Variants in CNTN5 observed in about 807,000 individuals in gnomAD.
The protein encoded by CNTN5 is contactin-5.
CNTN5 carries 77 observed loss-of-function variants against 129.1 expected under a neutral mutation model. That is an observed-to-expected ratio of 0.60 (90% CI 0.50 to 0.72). CNTN5 has a LOEUF of 0.72. Among genes scored for constraint, CNTN5 ranks in the 30% least tolerant of loss-of-function variants. The pLI, the probability that CNTN5 is intolerant of heterozygous loss-of-function variation, is 0.00. For missense variants in CNTN5, 1,478 were observed against 1,328.8 expected (o/e 1.11, Z -1.75); for synonymous variants, 509 against 465.6 (o/e 1.09, Z -1.20).
intron 1 of CNTN5, among the ~76,000 whole-genome samples, chr11:99,036,026 A>T (rs890253720): frequency 2.6e-5 from 4 of 151,874 alleles, no homozygotes; most frequent in African/African-American, 9.7e-5. Flanking sequence ...TCCTTCACTT[A>T]TGAAGCTTAG....
At chr11:99,914,364 G>GA (rs537855447) in intron 6 of CNTN5, among the ~76,000 whole-genome samples, 80 of 151,126 alleles carry the variant, frequency 5.3e-4, no homozygotes, top group Middle Eastern at 3.4e-3. Flanking sequence ...TCATTTTTTG[G>GA]AAAAAAAAGC....
At chr11:99,454,913 A>G (rs780658508) in intron 2 of CNTN5, among the ~76,000 whole-genome samples, 271 of 152,266 alleles carry the variant, frequency 1.8e-3, no homozygotes, top group Non-Finnish European at 2.8e-3. Flanking sequence ...CAAACAGAAA[A>G]TAGTTGACAC....
In CNTN5 at chr11:99,131,518, GAAGAA is replaced by G. The variant is rs1297876195; in HGVS notation, c.-210+110253_-210+110257del. 7.9e-5 allele frequency among the ~76,000 whole-genome samples: 12 copies of G among 151,938 alleles called. No homozygotes were observed. The East Asian group carries it at 2.3e-3, about 29-fold the overall frequency. On this transcript the variant is annotated intron_variant, in intron 1 of 24. Transcript: ENST00000524871. The stretch of plus-strand genomic sequence containing the variant: ...ATAGACCACAAGTGAGAGTAATAAA[GAAGAA>G]AAGAGAGAAGATTCAAATATACGAT...
intron 7 of CNTN5, among the ~76,000 whole-genome samples, chr11:99,934,898 GTATATATA>G (rs200635742): frequency 1.5e-3 from 104 of 67,896 alleles, no homozygotes; most frequent in African/African-American, 6.3e-3. Context: ...GTGTGTGTGT[GTATATATA>G]TATATATATA....
intron 13 of CNTN5, among the ~76,000 whole-genome samples, chr11:100,093,084 T>C (rs11222729): frequency 0.29 from 44,092 of 151,898 alleles, 8,084 homozygotes; most frequent in African/African-American, 0.52. Flanking sequence ...TGACCAACTT[T>C]GAGTATTGTC....
chr11:99,318,919 T>C (rs1332473151), intron 1 of CNTN5, among the ~76,000 whole-genome samples: 2 of 152,230 alleles, frequency 1.3e-5, no homozygotes, highest in East Asian at 3.9e-4. Flanking sequence ...TATGAAGGTT[T>C]GGTATTAATT....
At chr11:99,816,469 C>T (rs1334611494) in intron 3 of CNTN5, among the ~76,000 whole-genome samples, 1 of 152,156 alleles carries the variant, frequency 6.6e-6, no homozygotes, top group Non-Finnish European at 1.5e-5. Context: ...TGAGCCTTTA[C>T]CTCAAGCTCT....
chr11:99,767,727 T>C (rs763504416), intron 3 of CNTN5, among the ~76,000 whole-genome samples: 3 of 151,920 alleles, frequency 2.0e-5, no homozygotes, highest in Admixed American at 1.3e-4. Context: ...CTAAGTACTC[T>C]CTAACCTTCT....
intron 3 of CNTN5, among the ~76,000 whole-genome samples, chr11:99,678,898 GTA>G (rs992526829): frequency 2.0e-5 from 3 of 150,402 alleles, no homozygotes; most frequent in Non-Finnish European, 4.4e-5. Flanking sequence ...ACCTTTTTTT[GTA>G]TTCCATTCCA....
intron 13 of CNTN5, among the ~76,000 whole-genome samples, chr11:100,090,791 T>C (rs1161871171): frequency 2.0e-5 from 3 of 151,788 alleles, no homozygotes; most frequent in East Asian, 2.0e-4. Context: ...TAATCCTTAA[T>C]CAATTTTTAC....
At chr11:100,010,568 C>T (rs2137519725) in intron 9 of CNTN5, among the ~76,000 whole-genome samples, 1 of 152,234 alleles carries the variant, frequency 6.6e-6, no homozygotes, top group Non-Finnish European at 1.5e-5. Context: ...GGTGTTCCTT[C>T]TGGCTTCTTC....
chr11:99,284,585 AC>A (rs1387763308), intron 1 of CNTN5, among the ~76,000 whole-genome samples: 1 of 144,496 alleles, frequency 6.9e-6, no homozygotes, highest in African/African-American at 2.6e-5. Context: ...AGAACTGTTT[AC>A]CCCAGAGATG....
chr11:99,491,638 C>T (rs1049050191), intron 2 of CNTN5, among the ~76,000 whole-genome samples: 1 of 152,114 alleles, frequency 6.6e-6, no homozygotes, highest in African/African-American at 2.4e-5. Flanking sequence ...AGAAGCATAG[C>T]ATTTCAATTC....
In CNTN5 at chr11:100,212,743, T is replaced by G. The variant is rs55913726; in HGVS notation, c.1885-11949T>G. ...GTTTGGTGATTTTTTTCATTTATAT[T>G]CAAAAAGTAAAATCTCAGCAACTCT... On this transcript the variant is annotated intron_variant, in intron 15 of 24. Coordinates refer to ENST00000524871, the MANE Select transcript of CNTN5 (RefSeq NM_014361.4). 4.1e-3 allele frequency among the ~76,000 whole-genome samples: 631 copies of G among 152,176 alleles called. 9 individuals are homozygous for G. The highest frequency in any genetic ancestry group is 0.015 in the African/African-American group (605 of 41,540).
In CNTN5 at chr11:99,291,430, GTGTCTTATAGGAGT is replaced by G. The variant is rs1205826979; in HGVS notation, c.-209-33909_-209-33896del. Among the ~76,000 whole-genome samples the G allele has an allele frequency of 6.6e-5, 10 of 151,910 alleles. No homozygotes were observed. In the South Asian group the frequency reaches 1.0e-3, roughly 16 times the overall value. ...TGTTTAAAACAGCATTTGCTATGCT[GTGTCTTATAGGAGT>G]TGTCTTTTCTAACTACCTTTGGCCC... On this transcript the variant is annotated intron_variant, in intron 1 of 24. Transcript: ENST00000524871.
At chr11:99,479,148 C>A (rs1187008635) in intron 2 of CNTN5, among the ~76,000 whole-genome samples, 2 of 151,854 alleles carry the variant, frequency 1.3e-5, no homozygotes, top group Non-Finnish European at 2.9e-5. Flanking sequence ...ACTGGTCATC[C>A]TCTTCTAGTT....
chr11:100,056,521 A>C (rs1351005046), intron 9 of CNTN5, among the ~76,000 whole-genome samples: 1 of 151,762 alleles, frequency 6.6e-6, no homozygotes, highest in Non-Finnish European at 1.5e-5. Flanking sequence ...CAAAAATTAG[A>C]AAGAGGGCCA....
At chr11:99,134,185 A>G (rs757006911) in intron 1 of CNTN5, among the ~76,000 whole-genome samples, 4 of 152,134 alleles carry the variant, frequency 2.6e-5, no homozygotes, top group Non-Finnish European at 4.4e-5. Context: ...TCTCACTTCT[A>G]AGTGGGAGCT....
In CNTN5 at chr11:100,193,599, G is replaced by A; in HGVS notation, c.1820G>A (p.Trp607Ter). The A allele has an allele frequency of 6.2e-7, 1 of 1,612,166 alleles. No individual in the cohort carries two copies. Among genetic ancestry groups the A allele is most frequent in the Non-Finnish European group, 8.5e-7 (1 of 1,178,884 alleles). ...HDASLDVTFY[W>*]TLKGQPIDFE... ...GCTAGTTTGGATGTCACTTTCTACT[G>A]GACTCTGAAAGGACAGCCTATTGAT... The change falls in exon 15 of 25, where the codon TGG (tryptophan) becomes TAG (stop). Residue 607 changes from tryptophan to a stop codon, truncating the protein, a stop_gained. Transcript: ENST00000524871. LOFTEE classifies it high-confidence loss of function.
Sources: allele counts gnomAD v4.1 joint callset (sites outside exome capture counted in the v4.1 genomes callset), GRCh38; gene constraint gnomAD v4.1.1; transcripts MANE v1.5; gene names NCBI Gene and HGNC (gene_info 2026-07-23, HGNC 2026-07-21).